SIL1: variants seen among roughly 807,000 people sequenced by gnomAD.
The protein encoded by SIL1 is nucleotide exchange factor SIL1.
In SIL1, 40 loss-of-function variants were observed where a neutral mutation model predicts 49.1. The observed-to-expected ratio is 0.81, with a 90% CI of 0.63 to 1.06. The LOEUF (loss-of-function observed/expected upper bound fraction) is 1.06, where lower values mean the gene tolerates loss of function less well. Among genes scored for constraint, SIL1 ranks in the 50% least tolerant of loss-of-function variants. The pLI is 0.00. For synonymous variants in SIL1, 253 were observed against 250.8 expected, an observed-to-expected ratio of 1.01 and a Z score of -0.08; for missense variants, 500 against 572.6, an observed-to-expected ratio of 0.87 and a Z score of 1.29.
At chr5:139,117,118 A>T (rs1403644611) in intron 3 of SIL1, among the ~76,000 whole-genome samples, 1 of 152,200 alleles carries the variant, frequency 6.6e-6, no homozygotes, top group Non-Finnish European at 1.5e-5. Flanking sequence ...TGAGCACAAA[A>T]TACTTCCACC....
chr5:139,169,914 C>T lies in SIL1; in HGVS notation c.-11+28355G>A, dbSNP rs191886344. 5.3e-4 allele frequency among the ~76,000 whole-genome samples: 66 copies of T among 123,366 alleles called. 1 individual carries two copies. The highest frequency in any genetic ancestry group is 7.8e-4 in the Non-Finnish European group (40 of 51,374). 80.9% of individuals were successfully genotyped at this position (123,366 alleles called of 152,430 possible). A position where few individuals can be genotyped will look rare whatever the true frequency, so the allele number is the denominator to read the frequency against. ...TCTCTCCACAGTCTCCCTCTGATGC[C>T]GAGCCGAAGCTGGACTGTACTGCTG... On this transcript the variant is annotated intron_variant, in intron 1 of 9. Transcript: ENST00000394817.
At chr5:139,192,074 CAA>C (rs10700186) in intron 1 of SIL1, among the ~76,000 whole-genome samples, 26 of 67,202 alleles carry the variant, frequency 3.9e-4, no homozygotes, top group African/African-American at 1.5e-3. Flanking sequence ...GATGCTGTCT[CAA>C]AAAAAAAAAA....
Position 138,948,854 on chromosome 5 carries a change from G to GCAAGCC in SIL1, c.1030-1387_1030-1382dup, listed in dbSNP as rs1378982753. Among the ~76,000 whole-genome samples the GCAAGCC allele has an allele frequency of 6.6e-6, 1 of 152,174 alleles. No individual in the cohort carries two copies. The highest frequency in any genetic ancestry group is 1.5e-5 in the Non-Finnish European group (1 of 68,030). On this transcript the variant is annotated intron_variant, in intron 9 of 9. Coordinates refer to ENST00000394817, the MANE Select transcript of SIL1 (RefSeq NM_022464.5). This position sits in a 1 kb window ranked among gnomAD's most constrained non-coding sequence, Gnocchi z 4.8. ...GGGAGAGCGGTTGTTATTCTAGAGA[G>GCAAGCC]CAAGCCCGGCCCAGCATGCTTTTTT...
At chr5:139,108,753 T>C (rs1581105729) in intron 3 of SIL1, among the ~76,000 whole-genome samples, 1 of 152,030 alleles carries the variant, frequency 6.6e-6, no homozygotes, top group East Asian at 1.9e-4. Context: ...ATTGAGAAAA[T>C]ATTCCCCCAG....
chr5:138,999,722 T>C (rs541930510), intron 7 of SIL1, among the ~76,000 whole-genome samples: 35 of 152,192 alleles, frequency 2.3e-4, no homozygotes, highest in Non-Finnish European at 4.9e-4. Context: ...TTTACTGAAA[T>C]CGTTTATCAG....
intron 4 of SIL1, among the ~76,000 whole-genome samples, chr5:139,046,881 T>C (rs914230928): frequency 1.3e-5 from 2 of 152,220 alleles, no homozygotes; most frequent in Non-Finnish European, 2.9e-5. Context: ...TACTTTCATG[T>C]TTTAGAACAG....
At chr5:139,040,477 A>ATTTTTTGTT (rs1433157841) in intron 5 of SIL1, among the ~76,000 whole-genome samples, 1 of 95,644 alleles carries the variant, frequency 1.0e-5, no homozygotes, top group Non-Finnish European at 2.1e-5. Flanking sequence ...GGAGAGGAGT[A>ATTTTTTGTT]TTTTTTCTTT....
At chr5:138,979,780 T>C (rs1767476222) in intron 7 of SIL1, among the ~76,000 whole-genome samples, 1 of 152,200 alleles carries the variant, frequency 6.6e-6, no homozygotes, top group African/African-American at 2.4e-5. Flanking sequence ...CACAGTGATA[T>C]CTGGAATCAT....
intron 3 of SIL1, among the ~76,000 whole-genome samples, chr5:139,057,080 G>T (rs931727926): frequency 1.3e-5 from 2 of 151,856 alleles, no homozygotes; most frequent in Non-Finnish European, 2.9e-5. Context: ...GATTAAGGGC[G>T]CTGCAAGATG....
intron 7 of SIL1, among the ~76,000 whole-genome samples, chr5:139,011,988 G>GA (rs1768285769): frequency 6.6e-6 from 1 of 152,038 alleles, no homozygotes; most frequent in African/African-American, 2.4e-5. Context: ...TCTATACCCC[G>GA]ACTCAGCCAC....
chr5:138,977,242 T>C (rs7718404), intron 7 of SIL1, among the ~76,000 whole-genome samples: 1 of 152,172 alleles, frequency 6.6e-6, no homozygotes, highest in East Asian at 1.9e-4. Flanking sequence ...GACATGAAGC[T>C]TTCTGACTCT....
In SIL1 at chr5:139,028,993, G is replaced by A. The variant is rs183328302; in HGVS notation, c.454-2001C>T. ...TTTATAATTCTGGCATTTAAAAAAT[G>A]TTATATACACAGTGGTTCATGCCTG... On this transcript the variant is annotated intron_variant, in intron 5 of 9. Coordinates refer to ENST00000394817, the MANE Select transcript of SIL1 (RefSeq NM_022464.5). Among the ~76,000 whole-genome samples the A allele has an allele frequency of 5.0e-3, 754 of 152,278 alleles. 7 individuals carry two copies. The highest frequency in any genetic ancestry group is 0.013 in the African/African-American group (536 of 41,552).
intron 3 of SIL1, among the ~76,000 whole-genome samples, chr5:139,054,041 G>A (rs1769350682): frequency 6.6e-6 from 1 of 152,174 alleles, no homozygotes; most frequent in Admixed American, 6.5e-5. Flanking sequence ...AGCACTTTGG[G>A]AGGCTGAGAC....
chr5:139,083,341 G>A (rs1473663094), intron 3 of SIL1, among the ~76,000 whole-genome samples: 4 of 151,678 alleles, frequency 2.6e-5, no homozygotes, highest in African/African-American at 7.3e-5. Flanking sequence ...TCCAGCACCT[G>A]TTGTTTCCTG....
At chr5:139,140,724 A>G (rs1293287264) in intron 1 of SIL1, among the ~76,000 whole-genome samples, 1 of 152,168 alleles carries the variant, frequency 6.6e-6, no homozygotes, top group Admixed American at 6.5e-5. Flanking sequence ...GTAGCCAAGA[A>G]ACAAAGAAAC....
intron 5 of SIL1, among the ~76,000 whole-genome samples, chr5:139,028,769 G>C (rs1009602158): frequency 6.6e-6 from 1 of 152,144 alleles, no homozygotes; most frequent in African/African-American, 2.4e-5. Flanking sequence ...TCACTTACAT[G>C]TATGTGTGTA....
In SIL1 at chr5:139,057,291, G is replaced by A. The variant is rs530785221; in HGVS notation, c.245-6245C>T. 1.1e-4 allele frequency among the ~76,000 whole-genome samples: 12 copies of A among 106,026 alleles called. No individual in the cohort carries two copies. In the South Asian group the frequency reaches 2.6e-3, roughly 23 times the overall value. 69.6% of individuals were successfully genotyped at this position (106,026 alleles called of 152,430 possible). On this transcript the variant is annotated intron_variant, in intron 3 of 9. Coordinates refer to ENST00000394817, the MANE Select transcript of SIL1 (RefSeq NM_022464.5). ...ATGACCCAGCCAAATCCCCCTCTGC[G>A]AGAAACACCCAAGAATGATCAATAA...
At chr5:139,118,094 G>A (rs1281454618) in intron 3 of SIL1, among the ~76,000 whole-genome samples, 5 of 152,114 alleles carry the variant, frequency 3.3e-5, no homozygotes, top group East Asian at 1.9e-4. Context: ...AAAGTCCACC[G>A]TCTTCCTGTG....
At chr5:139,077,762 C>T (rs537828890) in intron 3 of SIL1, among the ~76,000 whole-genome samples, 2 of 152,208 alleles carry the variant, frequency 1.3e-5, no homozygotes, top group Admixed American at 1.3e-4. Context: ...ACTTGATAAC[C>T]CCAACACACC....
Sources: allele counts gnomAD v4.1 joint callset (sites outside exome capture counted in the v4.1 genomes callset), GRCh38; gene constraint gnomAD v4.1.1; non-coding constraint Gnocchi (gnomAD v3.1); transcripts MANE v1.5; gene names NCBI Gene and HGNC (gene_info 2026-07-23, HGNC 2026-07-21).